IL1RAPL2: variants seen among roughly 807,000 people sequenced by gnomAD.
IL1RAPL2 encodes the protein X-linked interleukin-1 receptor accessory protein-like 2.
A neutral mutation model predicts 44.1 loss-of-function variants in IL1RAPL2; 3 were observed. The observed-to-expected ratio is 0.07, with a 90% CI of 0.03 to 0.18. The LOEUF is 0.18. IL1RAPL2 is among the 10% of genes least tolerant of loss of function. The probability of loss-of-function intolerance (pLI) is 1.00; values close to 1 mark genes in which losing one functional copy is unlikely to be tolerated. For synonymous variants in IL1RAPL2, 181 were observed against 178.8 expected (o/e 1.01, Z -0.10); for missense variants, 391 against 496.4 (o/e 0.79, Z 2.02).
intron 2 of IL1RAPL2, among the ~76,000 whole-genome samples, chrX:104,904,472 T>G (rs1923921494): frequency 1.4e-5 from 1 of 69,392 alleles, no homozygotes; most frequent in Non-Finnish European, 2.5e-5. Flanking sequence ...CCCACAACAG[T>G]CCCCAGAGTG....
At chrX:104,975,931 C>T (rs767660827) in intron 2 of IL1RAPL2, among the ~76,000 whole-genome samples, 15 of 111,074 alleles carry the variant, frequency 1.4e-4, no homozygotes, top group African/African-American at 4.6e-4. Context: ...GCTTTCTAGC[C>T]GGAGCAGCTA....
chrX:105,412,306 GTATATATATATA>G (rs56979628), intron 5 of IL1RAPL2, among the ~76,000 whole-genome samples: 1,670 of 93,022 alleles, frequency 0.018, 32 homozygotes, highest in African/African-American at 0.054. Flanking sequence ...GAAAAATGTA[GTATATATATATA>G]TATATATATA....
At chrX:105,754,905 T>C (rs1569472059) in intron 9 of IL1RAPL2, among the ~76,000 whole-genome samples, 1 of 112,504 alleles carries the variant, frequency 8.9e-6, no homozygotes, top group Non-Finnish European at 1.9e-5. Context: ...TCACACATCA[T>C]TGAGTATTAC....
At chrX:105,312,125 A>G (rs756202924) in intron 5 of IL1RAPL2, among the ~76,000 whole-genome samples, 4 of 111,756 alleles carry the variant, frequency 3.6e-5, no homozygotes, top group Non-Finnish European at 7.5e-5. Flanking sequence ...ATACCTGGGC[A>G]GAGTGTGAAA....
At chrX:104,913,580 G>A (rs1481331697) in intron 2 of IL1RAPL2, among the ~76,000 whole-genome samples, 1 of 111,579 alleles carries the variant, frequency 9.0e-6, no homozygotes, top group East Asian at 2.8e-4. Context: ...CAACAGTAAA[G>A]GATTCTCACC....
chrX:105,160,072 A>G (rs1226865732), intron 2 of IL1RAPL2, among the ~76,000 whole-genome samples: 1 of 103,630 alleles, frequency 9.6e-6, no homozygotes, highest in Non-Finnish European at 1.9e-5. Context: ...GGCCTGACCT[A>G]GTGATCCAAT....
intron 2 of IL1RAPL2, among the ~76,000 whole-genome samples, chrX:105,028,176 G>A (rs900277730): frequency 9.0e-6 from 1 of 111,305 alleles, no homozygotes; most frequent in African/African-American, 3.3e-5. Flanking sequence ...ACCAGAGACT[G>A]GGAAGGGTGG....
At chrX:105,494,400 A>G (rs1237610568) in intron 6 of IL1RAPL2, among the ~76,000 whole-genome samples, 1 of 112,196 alleles carries the variant, frequency 8.9e-6, no homozygotes, top group Non-Finnish European at 1.9e-5. Context: ...ATATAATTTT[A>G]TGTAAATAAA....
chrX:104,601,284 A>T (rs1928876964), intron 1 of IL1RAPL2, among the ~76,000 whole-genome samples: 1 of 98,368 alleles, frequency 1.0e-5, no homozygotes, highest in African/African-American at 3.9e-5. Context: ...CCCTCCCCCT[A>T]CCCCACAACA....
chrX:105,222,581 G>C (rs149010453), intron 3 of IL1RAPL2, among the ~76,000 whole-genome samples: 1 of 112,088 alleles, frequency 8.9e-6, no homozygotes, highest in South Asian at 3.7e-4. Context: ...GTGAGGAAAG[G>C]GGGAGAGACT....
rs142674355 is a variant in IL1RAPL2 at position 105,517,946 on chromosome X, A to C, written c.772+33559A>C. Among the ~76,000 whole-genome samples the C allele has an allele frequency of 6.2e-3, 697 of 111,688 alleles. 7 individuals carry two copies. Among genetic ancestry groups the C allele is most frequent in the African/African-American group, 0.021 (662 of 30,820 alleles). On this transcript the variant is annotated intron_variant, in intron 6 of 10. Coordinates refer to ENST00000372582, the MANE Select transcript of IL1RAPL2 (RefSeq NM_017416.2). Reference sequence around the variant, plus strand: ...GATAGCAAAGAACTGAAAAATAAAGAACAAGGAGAAAGGGATGCCTAATGG... The same window carrying C: ...GATAGCAAAGAACTGAAAAATAAAGCACAAGGAGAAAGGGATGCCTAATGG...
intron 1 of IL1RAPL2, among the ~76,000 whole-genome samples, chrX:104,613,278 C>A (rs1487682279): frequency 1.8e-5 from 2 of 111,327 alleles, no homozygotes; most frequent in Non-Finnish European, 3.8e-5. Flanking sequence ...TTTGTCCTTT[C>A]AGTATAATGT....
chrX:105,086,924 A>G (rs1230210804), intron 2 of IL1RAPL2, among the ~76,000 whole-genome samples: 3 of 110,876 alleles, frequency 2.7e-5, no homozygotes, highest in Admixed American at 1.9e-4. Context: ...AAATATAACT[A>G]TGGGTACTAG....
At chrX:104,884,754 T>A (rs1009806265) in intron 2 of IL1RAPL2, among the ~76,000 whole-genome samples, 1 of 111,472 alleles carries the variant, frequency 9.0e-6, no homozygotes, top group African/African-American at 3.3e-5. Context: ...TGAAGGAGAA[T>A]ACACAACTAT....
At chrX:105,070,566 T>C (rs1018423635) in intron 2 of IL1RAPL2, among the ~76,000 whole-genome samples, 48 of 109,588 alleles carry the variant, frequency 4.4e-4, no homozygotes, top group African/African-American at 1.6e-3. Context: ...TGGTGGTGAG[T>C]GCCTGTAATC....
chrX:104,915,459 G>C (rs1415643312), intron 2 of IL1RAPL2, among the ~76,000 whole-genome samples: 1 of 111,489 alleles, frequency 9.0e-6, no homozygotes, highest in East Asian at 2.8e-4. Context: ...GTAGATTCTA[G>C]ATATTAGCCC....
At chrX:105,430,401 T>C (rs189118377) in intron 5 of IL1RAPL2, among the ~76,000 whole-genome samples, 5 of 111,777 alleles carry the variant, frequency 4.5e-5, no homozygotes, top group Non-Finnish European at 7.5e-5. Context: ...AAATTATGTG[T>C]CATCCCTTAA....
chrX:104,649,047 C>T (rs1169438504), intron 1 of IL1RAPL2, among the ~76,000 whole-genome samples: 1 of 111,361 alleles, frequency 9.0e-6, no homozygotes, highest in Non-Finnish European at 1.9e-5. Flanking sequence ...TGAGTCTCCA[C>T]TTCTAATTTT....
chrX:105,327,216 T>TACC (rs1395332546), intron 5 of IL1RAPL2, among the ~76,000 whole-genome samples: 1 of 112,127 alleles, frequency 8.9e-6, no homozygotes, highest in Non-Finnish European at 1.9e-5. Flanking sequence ...ACGGGCTCAA[T>TACC]ACCAGTGTGG....
Sources: allele counts gnomAD v4.1 joint callset (sites outside exome capture counted in the v4.1 genomes callset), GRCh38; gene constraint gnomAD v4.1.1; transcripts MANE v1.5; gene names NCBI Gene and HGNC (gene_info 2026-07-23, HGNC 2026-07-21).